Variants in PLEKHB2 observed in about 807,000 individuals in gnomAD.
PLEKHB2 encodes pleckstrin homology domain-containing family B member 2.
In PLEKHB2, 31 loss-of-function variants were observed where a neutral mutation model predicts 36.5. The ratio of observed to expected loss-of-function variants is 0.85; its 90% CI spans 0.64 to 1.15. The LOEUF (loss-of-function observed/expected upper bound fraction) is 1.15, where lower values mean the gene tolerates loss of function less well. Among genes scored for constraint, PLEKHB2 ranks in the 50% most tolerant of loss-of-function variants. The pLI is 0.00. For missense variants in PLEKHB2, 262 were observed against 295.3 expected (o/e 0.89, Z 0.83); for synonymous variants, 119 against 112.0 (o/e 1.06, Z -0.39).
chr2:131,118,990 C>G (rs909283525), intron 1 of PLEKHB2: 1 of 150,570 alleles, frequency 6.6e-6, no homozygotes, highest in Non-Finnish European at 1.5e-5. Context: ...TGCGGTGGCT[C>G]ATGCCTGTAA....
intron 1 of PLEKHB2, among the ~76,000 whole-genome samples, chr2:131,106,549 G>T (rs1694754993): frequency 6.6e-6 from 1 of 152,148 alleles, no homozygotes; most frequent in Non-Finnish European, 1.5e-5. Context: ...CCATGCAGTG[G>T]GTGTGTCTGC....
At chr2:131,108,577 A>G (rs375334600) in intron 1 of PLEKHB2, among the ~76,000 whole-genome samples, 8 of 152,354 alleles carry the variant, frequency 5.3e-5, no homozygotes, top group African/African-American at 1.7e-4. Context: ...ACATTGGAAG[A>G]AGGCCATACA....
At chr2:131,142,520 A>G (rs1411258049) in intron 7 of PLEKHB2, among the ~76,000 whole-genome samples, 1 of 148,834 alleles carries the variant, frequency 6.7e-6, no homozygotes, top group Non-Finnish European at 1.5e-5. Flanking sequence ...AACATCTTTA[A>G]TCATTTTCCT....
chr2:131,148,269 C>T lies in PLEKHB2; in HGVS notation c.*1496C>T, dbSNP rs1319604551. The T allele has an allele frequency of 6.6e-6, 1 of 152,168 alleles. No individual in the cohort carries two copies. Among genetic ancestry groups the T allele is most frequent in the Non-Finnish European group, 1.5e-5 (1 of 68,028 alleles). 9.4% of individuals were successfully genotyped at this position (152,168 alleles called of 1,614,324 possible). A position where few individuals can be genotyped will look rare whatever the true frequency, so the allele number is the denominator to read the frequency against. On this transcript the variant is annotated 3_prime_UTR_variant, in exon 8 of 8. Transcript: ENST00000693505. The stretch of plus-strand genomic sequence containing the variant: ...GAAGCTTAGAACATTGAATTTGGAA[C>T]CCCAAAATGTGTGAGTCTTTGGAAA...
rs138910331 is a variant in PLEKHB2, at chr2:131,115,644, C to T, written c.-8-5290C>T. Among the ~76,000 whole-genome samples the T allele has an allele frequency of 3.2e-3, 492 of 152,168 alleles. 2 individuals carry two copies. Among genetic ancestry groups the T allele is most frequent in the African/African-American group, 0.011 (464 of 41,522 alleles). ...CCGGGATTACAGGCGTGAGCTACTG[C>T]GCCCTCCAGAAGGTATGTCTTTTCT... is the stretch of plus-strand genomic sequence containing the variant. On this transcript the variant is annotated intron_variant, in intron 1 of 7. Transcript: ENST00000693505.
chr2:131,108,905 T>C (rs1244631752), intron 1 of PLEKHB2, among the ~76,000 whole-genome samples: 1 of 152,212 alleles, frequency 6.6e-6, no homozygotes, highest in East Asian at 1.9e-4. Flanking sequence ...GAACATCCTG[T>C]CAAGTAGGTG....
intron 5 of PLEKHB2, 119 bp downstream of exon 5, chr2:131,130,879 C>T: frequency 1.4e-6 from 1 of 702,532 alleles, no homozygotes; most frequent in Non-Finnish European, 2.5e-6. Context: ...CTCTCGGGCT[C>T]AAGTAGTCCT....
At chr2:131,122,887 G>A (rs1238694938) in intron 2 of PLEKHB2, among the ~76,000 whole-genome samples, 2 of 152,100 alleles carry the variant, frequency 1.3e-5, no homozygotes, top group Non-Finnish European at 2.9e-5. Flanking sequence ...CGGTCTCAAC[G>A]TCCCCATGGT....
chr2:131,116,254 C>T (rs1328121173), intron 1 of PLEKHB2, among the ~76,000 whole-genome samples: 1 of 151,882 alleles, frequency 6.6e-6, no homozygotes, highest in Non-Finnish European at 1.5e-5. Context: ...GAGTTGTTTC[C>T]CAAGTCTGCT....
intron 1 of PLEKHB2, among the ~76,000 whole-genome samples, chr2:131,108,531 G>T (rs1220815084): frequency 1.3e-5 from 2 of 152,190 alleles, no homozygotes; most frequent in African/African-American, 4.8e-5. Flanking sequence ...CTTGTTCTTA[G>T]AACAGGGCTG....
At position 131,128,235 on chromosome 2, in the gene PLEKHB2, A is replaced by C. The variant is rs755656642; in HGVS notation, c.293+1449A>C. The stretch of plus-strand genomic sequence containing the variant: ...GAAGCGTGTCAAGGAGAAATAACTC[A>C]TACTTTATGAGAGCAAACAGCAGTT... On this transcript the variant is annotated intron_variant, in intron 4 of 7. Coordinates refer to ENST00000693505, the MANE Select transcript of PLEKHB2 (RefSeq NM_001100623.2). Among the ~76,000 whole-genome samples the C allele has an allele frequency of 5.4e-4, 83 of 152,300 alleles. 1 individual carries two copies. Among genetic ancestry groups the C allele is most frequent in the Non-Finnish European group, 7.6e-4 (52 of 68,014 alleles).
chr2:131,118,308 G>A (rs924137636), intron 1 of PLEKHB2, among the ~76,000 whole-genome samples: 2 of 152,130 alleles, frequency 1.3e-5, no homozygotes, highest in African/African-American at 4.8e-5. Context: ...AAAACATTTC[G>A]TTTCTTGGTA....
chr2:131,119,642 A>G (rs1213830012), intron 1 of PLEKHB2, among the ~76,000 whole-genome samples: 1 of 152,148 alleles, frequency 6.6e-6, no homozygotes, highest in Non-Finnish European at 1.5e-5. Context: ...TGAACTATTA[A>G]AGTTTCAATA....
Position 131,125,769 on chromosome 2 carries a change from C to T in PLEKHB2, c.54C>T (p.Arg18=). The T allele has an allele frequency of 6.2e-7, 1 of 1,608,042 alleles. No homozygotes were observed. Among genetic ancestry groups the T allele is most frequent in the Non-Finnish European group, 8.5e-7 (1 of 1,177,638 alleles). ...TTTTTCCAGGTACTATTTTGAAGCG[C>T]TGGAAGAAGAACTGGTTTGATCTGT... is the stretch of plus-strand genomic sequence containing the variant. ...WLLRQSTILK[R]WKKNWFDLWS... The change falls in exon 3 of 8, where the codon CGC becomes CGT. Residue 18 remains arginine (R), a synonymous_variant. Transcript: ENST00000693505.
intron 1 of PLEKHB2, among the ~76,000 whole-genome samples, chr2:131,112,117 G>A (rs1451793090): frequency 6.6e-6 from 1 of 152,196 alleles, no homozygotes; most frequent in Non-Finnish European, 1.5e-5. Flanking sequence ...GAACTTTCAT[G>A]TCTGCCCCCC....
intron 2 of PLEKHB2, among the ~76,000 whole-genome samples, chr2:131,123,788 C>T (rs1696804656): frequency 1.7e-5 from 2 of 117,290 alleles, no homozygotes; most frequent in Non-Finnish European, 3.5e-5. Context: ...CCCCCCCCCG[C>T]CCCCCGCCCT....
At chr2:131,117,382 A>G (rs1695997987) in intron 1 of PLEKHB2, among the ~76,000 whole-genome samples, 2 of 152,176 alleles carry the variant, frequency 1.3e-5, no homozygotes, top group South Asian at 4.1e-4. Flanking sequence ...AGCGGAGATC[A>G]TTGCACTCCA....
At chr2:131,145,808 ATT>A (rs1331954766) in intron 7 of PLEKHB2, among the ~76,000 whole-genome samples, 1 of 152,148 alleles carries the variant, frequency 6.6e-6, no homozygotes, top group Non-Finnish European at 1.5e-5. Context: ...TAAATACTAA[ATT>A]TGTCTGTGGT....
intron 1 of PLEKHB2, among the ~76,000 whole-genome samples, chr2:131,115,446 C>A (rs187026266): frequency 6.8e-6 from 1 of 146,134 alleles, no homozygotes; most frequent in African/African-American, 2.6e-5. Flanking sequence ...CTCCGCCTCC[C>A]GGGATCAAGT....
Sources: gnomAD v4.1 joint callset for allele counts (sites outside exome capture counted in the v4.1 genomes callset) on GRCh38, gnomAD v4.1.1 for gene constraint, MANE v1.5 for transcripts, NCBI Gene and HGNC (gene_info 2026-07-23, HGNC 2026-07-21) for gene names.